FAM200A: variants seen among roughly 807,000 people sequenced by gnomAD.
FAM200A encodes the protein protein FAM200A.
FAM200A carries 26 observed loss-of-function variants against 44.2 expected under a neutral mutation model. The ratio of observed to expected loss-of-function variants is 0.59; its 90% CI spans 0.43 to 0.82. The LOEUF is 0.82. FAM200A is among the 40% of genes least tolerant of loss of function. The pLI is 0.00. For missense variants in FAM200A, 606 were observed against 669.5 expected, an observed-to-expected ratio of 0.91 and a Z score of 1.05; for synonymous variants, 206 against 244.4, an observed-to-expected ratio of 0.84 and a Z score of 1.47.
chr7:99,548,078 A>G lies in FAM200A; in HGVS notation c.330T>C (p.Leu110=). The change falls in exon 2 of 2, where the codon CTT becomes CTC. Residue 110 remains leucine, a synonymous_variant. Transcript: ENST00000449309. ...KSADKLRTIP[L]SDNTISRRIC... Reference sequence around the variant, plus strand: ...TTCGACGAGATATTGTATTATCACTAAGAGGTATAGTTCTTAGTTTATCAG... The same window carrying G: ...TTCGACGAGATATTGTATTATCACTGAGAGGTATAGTTCTTAGTTTATCAG... 6.4e-7 allele frequency: 1 copy of G among 1,551,620 alleles called. No homozygotes were observed. The highest frequency in any genetic ancestry group is 2.4e-5 in the East Asian group (1 of 40,926).
In FAM200A at chr7:99,546,875, C is replaced by G. The variant is rs1162140442; in HGVS notation, c.1533G>C (p.Arg511Ser). ...KIKDDFPLLS[R>S]KSILLLLPFT... ...ATGGTAGTAACAGCAATATACTCTT[C>G]CTACTTAGCAGTGGAAAGTCATCTT... Residue 511 changes from arginine (R) to serine (S), a missense_variant, in exon 2 of 2, where the codon AGG (arginine) becomes AGC (serine). Physicochemically the swap from Arg to Ser is moderately radical, Grantham distance 110. Transcript: ENST00000449309. 1 of 1,550,368 alleles carries G rather than the reference C, an allele frequency of 6.5e-7. No individual in the cohort carries two copies. Among genetic ancestry groups the G allele is most frequent in the Non-Finnish European group, 8.7e-7 (1 of 1,146,616 alleles).
chr7:99,553,032 T>C (rs1442151522), upstream of FAM200A, among the ~76,000 whole-genome samples: 1,569 of 130,528 alleles, frequency 0.012, 24 homozygotes, highest in African/African-American at 0.046. Context: ...TATATACATG[T>C]ATATATATAT....
chr7:99,547,793 A>G lies in FAM200A; in HGVS notation c.615T>C (p.His205=). 1 of 1,551,592 alleles carries G rather than the reference A, an allele frequency of 6.4e-7. No individual in the cohort carries two copies. The highest frequency in any genetic ancestry group is 8.7e-7 in the Non-Finnish European group (1 of 1,146,964). ...TTCCATCACTTGAAATTCCTTTACAATGTTTCCAGTTTAATTTATACTGAC... is the reference window on the plus strand; with the variant it reads ...TTCCATCACTTGAAATTCCTTTACAGTGTTTCCAGTTTAATTTATACTGAC... ...LLGQYKLNWK[H]CKGISSDGTA... Residue 205 remains histidine, a synonymous_variant, in exon 2 of 2, where the codon CAT becomes CAC. Transcript: ENST00000449309.
chr7:99,552,448 A>C (rs1802559452), upstream of FAM200A, among the ~76,000 whole-genome samples: 1 of 152,224 alleles, frequency 6.6e-6, no homozygotes, highest in Non-Finnish European at 1.5e-5. Flanking sequence ...AAATGGTTTC[A>C]CAAATCGAAG....
In FAM200A at chr7:99,551,850, C is replaced by T. The variant is rs1357579962; in HGVS notation, c.-100+4G>A. 4 of 985,450 alleles carry T rather than the reference C, an allele frequency of 4.1e-6. No homozygotes were observed. In the African/African-American group the frequency reaches 7.0e-5, roughly 17 times the overall value. The allele number at this position is 985,450 out of a possible 1,614,324, so 61.0% of individuals were successfully genotyped here. On this transcript the variant is annotated splice_donor_region_variant and intron_variant, in intron 1 of 1. Coordinates refer to ENST00000449309, the MANE Select transcript of FAM200A (RefSeq NM_145111.4). Reference sequence around the variant, plus strand: ...CGGAAACCAAAACTTCGTTCCCTTCCCACCTGTATCCAGGGACACCTCTGC... The same window carrying T: ...CGGAAACCAAAACTTCGTTCCCTTCTCACCTGTATCCAGGGACACCTCTGC...
chr7:99,553,093 A>AT (rs1450773459), upstream of FAM200A, among the ~76,000 whole-genome samples: 8 of 90,492 alleles, frequency 8.8e-5, no homozygotes, highest in East Asian at 1.9e-3. Flanking sequence ...ATATATATAT[A>AT]TATATATTTT....
At chr7:99,550,740 T>TC (rs1295731383) in intron 1 of FAM200A, among the ~76,000 whole-genome samples, 1 of 152,038 alleles carries the variant, frequency 6.6e-6, no homozygotes, top group Non-Finnish European at 1.5e-5. Flanking sequence ...CATAGATACC[T>TC]CCCACAACTG....
intron 1 of FAM200A, among the ~76,000 whole-genome samples, chr7:99,557,310 T>C (rs952352722): frequency 1.3e-5 from 2 of 152,196 alleles, no homozygotes; most frequent in Non-Finnish European, 2.9e-5. Context: ...CCTTTGCTGC[T>C]GAAATGGTTT....
rs375952183 is a variant in FAM200A, at chr7:99,548,227, A to C, written c.181T>G (p.Leu61Val). 62 of 1,603,418 alleles carry C rather than the reference A, an allele frequency of 3.9e-5. 1 individual carries two copies. Among genetic ancestry groups the C allele is most frequent in the South Asian group, 3.6e-4 (32 of 89,600 alleles). ...TATGCAACTAAATACGATGACAATA[A>C]GGCTCTCTCATTCATAGTTGTAGAG... ...SRSTTMNERA[L>V]LSSYLVAYRV... The change falls in exon 2 of 2, where the codon TTA becomes GTA. Residue 61 changes from leucine to valine, a missense_variant. Physicochemically the swap from Leu to Val is conservative, Grantham distance 32 (BLOSUM62 1). Coordinates refer to ENST00000449309, the MANE Select transcript of FAM200A (RefSeq NM_145111.4).
At position 99,547,265 on chromosome 7, in the gene FAM200A, C is replaced by A; in HGVS notation, c.1143G>T (p.Thr381=). ...YLEHILGFQK[T]LLLWQARLKS... The stretch of plus-strand genomic sequence containing the variant: ...TAAGTCTTGCTTGCCACAATAATAA[C>A]GTCTTTTGGAATCCTAGAATATGTT... The change falls in exon 2 of 2, where the codon ACG becomes ACT. Residue 381 remains threonine, a synonymous_variant. Transcript: ENST00000449309. The A allele has an allele frequency of 6.4e-7, 1 of 1,551,286 alleles. No individual in the cohort carries two copies. Among genetic ancestry groups the A allele is most frequent in the South Asian group, 1.2e-5 (1 of 83,940 alleles).
chr7:99,553,068 C>CAT (rs745655559), upstream of FAM200A, among the ~76,000 whole-genome samples: 10 of 89,370 alleles, frequency 1.1e-4, no homozygotes, highest in East Asian at 3.8e-4. Flanking sequence ...TATATACACA[C>CAT]ACATATATAT....
chr7:99,554,249 G>A (rs1584228874), upstream of FAM200A, among the ~76,000 whole-genome samples: 1 of 152,244 alleles, frequency 6.6e-6, no homozygotes, highest in Admixed American at 6.5e-5. Flanking sequence ...GGGAGGCTGA[G>A]GTGGGTGGAT....
Position 99,547,956 on chromosome 7 carries a change from G to A in FAM200A, c.452C>T (p.Ala151Val). 6.4e-7 allele frequency: 1 copy of A among 1,551,258 alleles called. No individual in the cohort carries two copies. The highest frequency in any genetic ancestry group is 8.7e-7 in the Non-Finnish European group (1 of 1,146,996). ...AIQLDESTDI[A>V]SCPTLLVYVR... ...ATAAACCAAGAGTGTGGGACAACTT[G>A]CAATATCAGTGCTCTCATCGAGTTG... The change falls in exon 2 of 2, where the codon GCA (alanine) becomes GTA (valine). Residue 151 changes from alanine to valine, a missense_variant. Ala to Val is a moderately conservative substitution (Grantham distance 64). Transcript: ENST00000449309.
chr7:99,554,375 A>G (rs143837489), upstream of FAM200A, among the ~76,000 whole-genome samples: 557 of 145,768 alleles, frequency 3.8e-3, 3 homozygotes, highest in African/African-American at 0.013. Context: ...GCTACTCGGG[A>G]GGCTGAGGCA....
upstream of FAM200A, among the ~76,000 whole-genome samples, chr7:99,555,638 G>A (rs192063601): frequency 6.6e-6 from 1 of 152,308 alleles, no homozygotes; most frequent in Non-Finnish European, 1.5e-5. Context: ...GCCAGGCATG[G>A]TGGCTCACGT....
At position 99,547,361 on chromosome 7, in the gene FAM200A, A is replaced by G. The variant is rs1169141628; in HGVS notation, c.1047T>C (p.Asp349=). The G allele has an allele frequency of 6.5e-7, 1 of 1,549,554 alleles. No homozygotes were observed. Among genetic ancestry groups the G allele is most frequent in the Non-Finnish European group, 8.7e-7 (1 of 1,146,102 alleles). Reference sequence around the variant, plus strand: ...TTAATTCATTAAGAATGCCAAAAATATCACTTAAATATGCCAATTTTGTTA... The same window carrying G: ...TTAATTCATTAAGAATGCCAAAAATGTCACTTAAATATGCCAATTTTGTTA... ...IWVTKLAYLS[D]IFGILNELSL... is the part of the protein sequence containing the mutation. The change falls in exon 2 of 2, where the codon GAT becomes GAC. Residue 349 remains aspartate (D), a synonymous_variant. Coordinates refer to ENST00000449309, the MANE Select transcript of FAM200A (RefSeq NM_145111.4).
Position 99,546,626 on chromosome 7 carries a change from TG to T in FAM200A, c.*59del, listed in dbSNP as rs1562924374. 1 of 1,437,688 alleles carries T rather than the reference TG, an allele frequency of 7.0e-7. No individual in the cohort carries two copies. Among genetic ancestry groups the T allele is most frequent in the Non-Finnish European group, 9.1e-7 (1 of 1,098,380 alleles). The allele number at this position is 1,437,688 out of a possible 1,614,324, so 89.1% of individuals were successfully genotyped here. On this transcript the variant is annotated 3_prime_UTR_variant, in exon 2 of 2. Coordinates refer to ENST00000449309, the MANE Select transcript of FAM200A (RefSeq NM_145111.4). Reference sequence around the variant, plus strand: ...TCTGCCCACCTCGGTCTCCCACTGCTGGGATTACAGGCGTAAGCCACCACAC... The same window carrying T: ...TCTGCCCACCTCGGTCTCCCACTGCTGGATTACAGGCGTAAGCCACCACAC...
At chr7:99,553,068 C>CATAT (rs745655559), upstream of FAM200A, among the ~76,000 whole-genome samples, 18 of 89,368 alleles carry the variant, frequency 2.0e-4, no homozygotes, top group South Asian at 1.3e-3. Context: ...TATATACACA[C>CATAT]ACATATATAT....
Position 99,547,552 on chromosome 7 carries a change from A to C in FAM200A, c.856T>G (p.Ser286Ala), listed in dbSNP as rs535081568. ...LNSRLLEIFCSEIGVNHTHLL... is the reference protein window; with the variant it reads ...LNSRLLEIFCAEIGVNHTHLL... ...TGGGTGTGGTTCACTCCAATCTCTG[A>C]ACAAAATATTTCGAGAAGTCGGCTA... is the stretch of plus-strand genomic sequence containing the variant. The change falls in exon 2 of 2, where the codon TCA (serine) becomes GCA (alanine). Residue 286 changes from serine (S) to alanine (A), a missense_variant. By Grantham distance (99) the Ser-to-Ala change is moderately conservative. Transcript: ENST00000449309. 6.4e-7 allele frequency: 1 copy of C among 1,550,998 alleles called. No individual in the cohort carries two copies. Among genetic ancestry groups the C allele is most frequent in the African/African-American group, 1.4e-5 (1 of 73,162 alleles).
Sources: gnomAD v4.1 joint callset for allele counts (sites outside exome capture counted in the v4.1 genomes callset) on GRCh38, gnomAD v4.1.1 for gene constraint, MANE v1.5 for transcripts, NCBI Gene and HGNC (gene_info 2026-07-23, HGNC 2026-07-21) for gene names.